HSPBAP1: variants seen among roughly 807,000 people sequenced by gnomAD.
The protein encoded by HSPBAP1 is HSPB1-associated protein 1.
In HSPBAP1, 27 loss-of-function variants were observed where a neutral mutation model predicts 45.2. That is an observed-to-expected ratio of 0.60 (90% confidence interval 0.44 to 0.82). The LOEUF is 0.82. Ranked by LOEUF, HSPBAP1 falls within the 40% of genes least tolerant of loss-of-function variation. The pLI, the probability that HSPBAP1 is intolerant of heterozygous loss-of-function variation, is 0.00. For missense variants in HSPBAP1, 510 were observed against 590.9 expected (o/e 0.86, Z 1.42); for synonymous variants, 204 against 202.7 (o/e 1.01, Z -0.06).
chr3:122,789,945 C>T (rs1935772261), intron 1 of HSPBAP1, among the ~76,000 whole-genome samples: 1 of 151,198 alleles, frequency 6.6e-6, no homozygotes, highest in Non-Finnish European at 1.5e-5. Context: ...TCACTACAAC[C>T]TCCGCTTCAC....
intron 2 of HSPBAP1, among the ~76,000 whole-genome samples, chr3:122,775,848 C>A (rs908798217): frequency 3.3e-5 from 5 of 151,926 alleles, no homozygotes; most frequent in African/African-American, 9.7e-5. Flanking sequence ...TCTGTAATAG[C>A]CAAAAAATGG....
At chr3:122,792,557 C>T (rs1197786191) in intron 1 of HSPBAP1, among the ~76,000 whole-genome samples, 1 of 152,064 alleles carries the variant, frequency 6.6e-6, no homozygotes, top group East Asian at 1.9e-4. Context: ...CCCCTAAATA[C>T]ATCCATCCTT....
chr3:122,787,747 A>C (rs1014156527), intron 1 of HSPBAP1, among the ~76,000 whole-genome samples: 1 of 152,228 alleles, frequency 6.6e-6, no homozygotes, highest in South Asian at 2.1e-4. Flanking sequence ...ATATTAGGGC[A>C]AAAAATAATG....
intron 1 of HSPBAP1, among the ~76,000 whole-genome samples, chr3:122,784,321 G>A (rs62261679): frequency 0.011 from 1,724 of 152,274 alleles, 12 homozygotes; most frequent in Non-Finnish European, 0.016. Context: ...CATTATCTCA[G>A]TAACTCATGT....
intron 2 of HSPBAP1, among the ~76,000 whole-genome samples, chr3:122,772,796 A>C (rs1935046942): frequency 6.6e-6 from 1 of 152,168 alleles, no homozygotes; most frequent in East Asian, 1.9e-4. Flanking sequence ...AAAATGAGAA[A>C]GCAAACAATA....
At chr3:122,783,633 T>C (rs983008256) in intron 1 of HSPBAP1, among the ~76,000 whole-genome samples, 5 of 152,152 alleles carry the variant, frequency 3.3e-5, no homozygotes, top group Non-Finnish European at 5.9e-5. Context: ...AACATCTATA[T>C]AGTAGGTTGG....
intron 2 of HSPBAP1, among the ~76,000 whole-genome samples, chr3:122,773,469 G>A (rs1220952024): frequency 6.6e-6 from 1 of 151,680 alleles, no homozygotes; most frequent in African/African-American, 2.4e-5. Flanking sequence ...CCACCACACT[G>A]GCTAATTGGC....
intron 6 of HSPBAP1, among the ~76,000 whole-genome samples, chr3:122,743,526 A>G (rs1933741475): frequency 6.6e-6 from 1 of 152,114 alleles, no homozygotes; most frequent in Non-Finnish European, 1.5e-5. Context: ...AGATCGAGCC[A>G]TTGCACTCCA....
At chr3:122,781,461 A>AGGAGAATCAGGCAG in intron 1 of HSPBAP1, among the ~76,000 whole-genome samples, 1 of 148,308 alleles carries the variant, frequency 6.7e-6, no homozygotes, top group East Asian at 2.2e-4. Context: ...AGGCTGAGGC[A>AGGAGAATCAGGCAG]GGAGAATCAG....
intron 2 of HSPBAP1, among the ~76,000 whole-genome samples, chr3:122,775,401 T>C (rs563127656): frequency 8.5e-5 from 13 of 152,194 alleles, no homozygotes; most frequent in Non-Finnish European, 1.9e-4. Flanking sequence ...ATGCTCAACA[T>C]TATTAGTCAT....
chr3:122,743,944 T>G (rs1933759257), intron 6 of HSPBAP1, among the ~76,000 whole-genome samples: 1 of 151,354 alleles, frequency 6.6e-6, no homozygotes, highest in Non-Finnish European at 1.5e-5. Context: ...GGCCAAGAGT[T>G]TGACGCTGCA....
chr3:122,793,156 G>A (rs973993014), intron 1 of HSPBAP1, among the ~76,000 whole-genome samples: 2 of 152,130 alleles, frequency 1.3e-5, no homozygotes, highest in East Asian at 3.9e-4. Context: ...AATAATAACA[G>A]GGATCTCAGG....
chr3:122,787,211 C>G lies in HSPBAP1; in HGVS notation c.64+6406G>C, dbSNP rs190465155. Among the ~76,000 whole-genome samples the G allele has an allele frequency of 2.6e-3, 392 of 152,262 alleles. 2 individuals carry two copies. The highest frequency in any genetic ancestry group is 8.3e-3 in the African/African-American group (346 of 41,552). ...ATGTTCTCCAGTCAATTTATTACAG[C>G]CTGAGTTGCAACTAATTCTTTGGAG... On this transcript the variant is annotated intron_variant, in intron 1 of 7. Coordinates refer to ENST00000306103, the MANE Select transcript of HSPBAP1 (RefSeq NM_024610.6).
rs1039940781 is a variant in HSPBAP1 at position 122,753,440 on chromosome 3, T to C, written c.742-766A>G. 1.6e-4 allele frequency: 159 copies of C among 981,776 alleles called. No homozygotes were observed. The Middle Eastern group carries it at 3.1e-3, about 19-fold the overall frequency. 60.8% of individuals were successfully genotyped at this position (981,776 alleles called of 1,614,324 possible). A position where few individuals can be genotyped will look rare whatever the true frequency, so the allele number is the denominator to read the frequency against. ...CTAGGAGTTGTTGAGAAATTCTAAG[T>C]AGGGGGATGGTTAAAATAGTGGTAT... On this transcript the variant is annotated intron_variant, in intron 5 of 7. Coordinates refer to ENST00000306103, the MANE Select transcript of HSPBAP1 (RefSeq NM_024610.6).
chr3:122,757,026 T>G (rs951400976), intron 4 of HSPBAP1, among the ~76,000 whole-genome samples: 1 of 152,188 alleles, frequency 6.6e-6, no homozygotes, highest in Non-Finnish European at 1.5e-5. Flanking sequence ...GTCACAGATC[T>G]CCTGGCTTCT....
intron 6 of HSPBAP1, among the ~76,000 whole-genome samples, chr3:122,750,514 AATAT>A: frequency 1.4e-5 from 1 of 70,084 alleles, no homozygotes; most frequent in African/African-American, 4.8e-5. Flanking sequence ...TAAATACATC[AATAT>A]CTATCTATCT....
Position 122,768,838 on chromosome 3 carries a change from C to T in HSPBAP1, c.295G>A (p.Glu99Lys), listed in dbSNP as rs574083990. 25 of 1,612,790 alleles carry T rather than the reference C, an allele frequency of 1.6e-5. No homozygotes were observed. The East Asian group carries it at 1.8e-4, about 12-fold the overall frequency. Reference sequence around the variant, plus strand: ...TCACAGTTCCAGGTCAGAAACTCTTCGAGTGTAGCTTCTACGTAATTACAT... The same window carrying T: ...TCACAGTTCCAGGTCAGAAACTCTTTGAGTGTAGCTTCTACGTAATTACAT... ...TTCNYVEATL[E>K]EFLTWNCDQS... Residue 99 changes from glutamate (E) to lysine (K), a missense_variant, in exon 3 of 8, where the codon GAA becomes AAA. Transcript: ENST00000306103.
intron 2 of HSPBAP1, 148 bp from the exon 3 acceptor site, chr3:122,769,030 G>A (rs1934887629): frequency 5.1e-6 from 3 of 593,966 alleles, no homozygotes; most frequent in Non-Finnish European, 8.7e-6. Flanking sequence ...GGTGGTGCAT[G>A]CCTGTAATCC....
intron 2 of HSPBAP1, among the ~76,000 whole-genome samples, chr3:122,773,726 C>T (rs1174566544): frequency 2.0e-5 from 3 of 152,208 alleles, no homozygotes; most frequent in South Asian, 4.1e-4. Context: ...CAGCCTCGAC[C>T]TCCCAGGCTC....
Sources: allele counts gnomAD v4.1 joint callset (sites outside exome capture counted in the v4.1 genomes callset), GRCh38; gene constraint gnomAD v4.1.1; transcripts MANE v1.5; gene names NCBI Gene and HGNC (gene_info 2026-07-23, HGNC 2026-07-21).